STAC: variants seen among roughly 807,000 people sequenced by gnomAD.
STAC encodes SH3 and cysteine-rich domain-containing protein.
STAC carries 43 observed loss-of-function variants against 48.8 expected under a neutral mutation model. The ratio of observed to expected loss-of-function variants is 0.88; its 90% confidence interval spans 0.69 to 1.14. The LOEUF (loss-of-function observed/expected upper bound fraction) is 1.14, where lower values mean the gene tolerates loss of function less well. STAC is among the 50% of genes most tolerant of loss of function. The pLI is 0.00. For missense variants in STAC, 497 were observed against 504.0 expected (o/e 0.99, Z 0.13); for synonymous variants, 193 against 179.5 (o/e 1.07, Z -0.60).
intron 5 of STAC, among the ~76,000 whole-genome samples, chr3:36,491,288 G>T (rs953145329): frequency 6.6e-6 from 1 of 152,144 alleles, no homozygotes; most frequent in East Asian, 1.9e-4. Context: ...TCACTGCCTG[G>T]CTGTTTCCAA....
chr3:36,495,973 C>G, intron 6 of STAC, among the ~76,000 whole-genome samples: 1 of 152,200 alleles, frequency 6.6e-6, no homozygotes, highest in East Asian at 1.9e-4. Flanking sequence ...CTAGAGGTCA[C>G]TTAGTCCAAT....
chr3:36,490,485 G>A (rs138848858), intron 5 of STAC, among the ~76,000 whole-genome samples: 1 of 152,312 alleles, frequency 6.6e-6, no homozygotes, highest in African/African-American at 2.4e-5. Flanking sequence ...AATCTTTGAT[G>A]AGAGCCAGTA....
chr3:36,446,787 GA>G (rs1424453356), intron 2 of STAC, among the ~76,000 whole-genome samples: 2 of 152,142 alleles, frequency 1.3e-5, no homozygotes, highest in Non-Finnish European at 2.9e-5. Context: ...GTTTTTAATT[GA>G]AATTCACTTA....
intron 1 of STAC, among the ~76,000 whole-genome samples, chr3:36,439,336 C>T (rs758867676): frequency 1.1e-4 from 16 of 152,162 alleles, no homozygotes; most frequent in South Asian, 2.1e-4. Flanking sequence ...ACTTTTGTCC[C>T]CCATCATCCA....
intron 8 of STAC, among the ~76,000 whole-genome samples, chr3:36,528,340 A>G (rs1698984963): frequency 6.6e-6 from 1 of 152,058 alleles, no homozygotes; most frequent in Non-Finnish European, 1.5e-5. Context: ...ATGGTGGCAG[A>G]TGCCTGTAAT....
At chr3:36,448,930 TA>T (rs879810733) in intron 2 of STAC, among the ~76,000 whole-genome samples, 3 of 139,704 alleles carry the variant, frequency 2.1e-5, no homozygotes, top group Non-Finnish European at 3.1e-5. Context: ...ACCCAGTCTC[TA>T]AAAAAAAAAT....
rs1241951680 is a variant in STAC at position 36,398,308 on chromosome 3, A to AAAGAAAGC, written c.111+17561_111+17562insCAAGAAAG. On this transcript the variant is annotated intron_variant, in intron 1 of 10. Transcript: ENST00000273183. ...AAGGTATGTTAAAAAAGAAAGAAAGAAAGAAAGAAAGCAAGAAAGAAAGAA... is the reference window on the plus strand; with the variant it reads ...AAGGTATGTTAAAAAAGAAAGAAAGAAAGAAAGCAAGAAAGAAAGCAAGAAAGAAAGAA... Among the ~76,000 whole-genome samples, 171 of 111,322 alleles carry AAAGAAAGC rather than the reference A, an allele frequency of 1.5e-3. 3 individuals carry two copies. Among genetic ancestry groups the AAAGAAAGC allele is most frequent in the East Asian group, 9.4e-3 (36 of 3,840 alleles). The allele number at this position is 111,322 out of a possible 152,430, so 73.0% of individuals were successfully genotyped here.
At chr3:36,503,273 G>T (rs1003763505) in intron 6 of STAC, among the ~76,000 whole-genome samples, 2 of 152,080 alleles carry the variant, frequency 1.3e-5, no homozygotes, top group Non-Finnish European at 2.9e-5. Context: ...AAATACATAT[G>T]ATGAGAATGA....
intron 8 of STAC, among the ~76,000 whole-genome samples, chr3:36,513,001 C>G (rs1363765090): frequency 6.6e-6 from 1 of 152,038 alleles, no homozygotes; most frequent in Non-Finnish European, 1.5e-5. Flanking sequence ...ACCTTCTGAT[C>G]CAGGGGAGTA....
At chr3:36,487,430 AAAT>A (rs766795551) in intron 5 of STAC, among the ~76,000 whole-genome samples, 1 of 152,222 alleles carries the variant, frequency 6.6e-6, no homozygotes, top group Non-Finnish European at 1.5e-5. Context: ...AAAGAACTAA[AAAT>A]AATTTTTACT....
At chr3:36,444,521 G>C (rs1030259330) in intron 2 of STAC, among the ~76,000 whole-genome samples, 2 of 152,220 alleles carry the variant, frequency 1.3e-5, no homozygotes, top group Non-Finnish European at 2.9e-5. Flanking sequence ...CTCATGGCGA[G>C]GACAACTGGG....
intron 1 of STAC, among the ~76,000 whole-genome samples, chr3:36,436,215 A>G (rs1021192123): frequency 2.0e-5 from 3 of 152,158 alleles, no homozygotes; most frequent in African/African-American, 4.8e-5. Context: ...TCTTACCATA[A>G]CTATACAAGG....
intron 1 of STAC, among the ~76,000 whole-genome samples, chr3:36,404,865 A>C (rs1051252880): frequency 6.6e-6 from 1 of 152,066 alleles, no homozygotes; most frequent in African/African-American, 2.4e-5. Context: ...TAGAATACAA[A>C]GATTGATGAT....
chr3:36,401,079 T>C (rs1559478331), intron 1 of STAC, among the ~76,000 whole-genome samples: 1 of 152,188 alleles, frequency 6.6e-6, no homozygotes, highest in Non-Finnish European at 1.5e-5. Flanking sequence ...AACCTCCCTA[T>C]AATGTTTTGT....
chr3:36,446,393 T>C (rs1696509943), intron 2 of STAC, among the ~76,000 whole-genome samples: 1 of 152,222 alleles, frequency 6.6e-6, no homozygotes, highest in Non-Finnish European at 1.5e-5. Context: ...AGTCTTAGTC[T>C]AAGAGACTTC....
In STAC at chr3:36,380,728, G is replaced by GC. The variant is rs768607261; in HGVS notation, c.86dup (p.Ser30IlefsTer29). ...GGGCGCCGAGCAACCGCCCTCTCCT[G>GC]CATCCACCAGCAGCCAGGAATCCAA... On this transcript the variant is annotated frameshift_variant, in exon 1 of 11. Coordinates refer to ENST00000273183, the MANE Select transcript of STAC (RefSeq NM_003149.3). LOFTEE classifies it high-confidence loss of function. The GC allele has an allele frequency of 3.1e-6, 5 of 1,611,650 alleles. No individual in the cohort carries two copies. The Admixed American group carries it at 8.4e-5, about 27-fold the overall frequency.
intron 1 of STAC, among the ~76,000 whole-genome samples, chr3:36,398,438 A>AAGAGAGAG: frequency 1.2e-5 from 1 of 83,114 alleles, no homozygotes; most frequent in African/African-American, 4.6e-5. Context: ...GAAGGAAGGA[A>AAGAGAGAG]GGAAGGAAGG....
chr3:36,401,219 T>C (rs1357383109), intron 1 of STAC, among the ~76,000 whole-genome samples: 2 of 152,208 alleles, frequency 1.3e-5, no homozygotes, highest in African/African-American at 2.4e-5. Context: ...AGCCAGGTCA[T>C]GAAAGAGGCA....
At chr3:36,430,316 C>A (rs983668917) in intron 1 of STAC, among the ~76,000 whole-genome samples, 5 of 152,096 alleles carry the variant, frequency 3.3e-5, no homozygotes, top group Non-Finnish European at 7.4e-5. Flanking sequence ...TGATAGGGCA[C>A]CTGCATGCAT....
Sources: gnomAD v4.1 joint callset for allele counts (sites outside exome capture counted in the v4.1 genomes callset) on GRCh38, gnomAD v4.1.1 for gene constraint, MANE v1.5 for transcripts, NCBI Gene and HGNC (gene_info 2026-07-23, HGNC 2026-07-21) for gene names.